Variants in FAM227B observed in about 807,000 individuals in gnomAD.
FAM227B encodes the protein protein FAM227B.
FAM227B carries 88 observed loss-of-function variants against 73.8 expected under a neutral mutation model. The ratio of observed to expected loss-of-function variants is 1.19; its 90% CI spans 1.00 to 1.42. The LOEUF (loss-of-function observed/expected upper bound fraction) is 1.42. Among genes scored for constraint, FAM227B ranks in the 40% most tolerant of loss-of-function variants. The pLI, the probability that FAM227B is intolerant of heterozygous loss-of-function variation, is 0.00. For synonymous variants in FAM227B, 210 were observed against 190.5 expected (o/e 1.10, Z -0.84); for missense variants, 632 against 590.9 (o/e 1.07, Z -0.72).
chr15:49,452,415 C>G (rs1165601870), intron 11 of FAM227B, among the ~76,000 whole-genome samples: 1 of 151,956 alleles, frequency 6.6e-6, no homozygotes. Context: ...TAAAATGAAC[C>G]CTTGTTAACA....
intron 3 of FAM227B, among the ~76,000 whole-genome samples, chr15:49,597,869 T>A (rs536232505): frequency 6.6e-6 from 1 of 151,726 alleles, no homozygotes; most frequent in Admixed American, 6.6e-5. Flanking sequence ...CTAGAAAACC[T>A]AGAGGAGATG....
At chr15:49,597,374 G>C (rs558814447) in intron 3 of FAM227B, among the ~76,000 whole-genome samples, 8 of 152,084 alleles carry the variant, frequency 5.3e-5, no homozygotes, top group Non-Finnish European at 7.4e-5. Context: ...TGAATGGTCG[G>C]TGGGTCAACA....
chr15:49,462,181 C>G (rs183845924), intron 11 of FAM227B, among the ~76,000 whole-genome samples: 9 of 152,058 alleles, frequency 5.9e-5, no homozygotes, highest in Admixed American at 5.9e-4. Context: ...GTGTGAGGAT[C>G]TGGGATGACT....
intron 11 of FAM227B, among the ~76,000 whole-genome samples, chr15:49,501,271 A>G (rs1200071054): frequency 6.6e-6 from 1 of 152,204 alleles, no homozygotes; most frequent in Non-Finnish European, 1.5e-5. Flanking sequence ...ACTTCTTGGA[A>G]ACTAGTTAAA....
At chr15:49,357,744 A>G (rs2043425870) in intron 13 of FAM227B, among the ~76,000 whole-genome samples, 1 of 152,170 alleles carries the variant, frequency 6.6e-6, no homozygotes, top group Non-Finnish European at 1.5e-5. Context: ...TTATGAGGCC[A>G]GCATCATTCT....
chr15:49,427,722 G>A (rs1462945470), intron 11 of FAM227B, among the ~76,000 whole-genome samples: 2 of 151,920 alleles, frequency 1.3e-5, no homozygotes, highest in African/African-American at 4.8e-5. Context: ...CTTCCACACA[G>A]GAATGTGGTT....
intron 11 of FAM227B, among the ~76,000 whole-genome samples, chr15:49,505,896 A>C (rs2058548115): frequency 6.6e-6 from 1 of 152,042 alleles, no homozygotes; most frequent in South Asian, 2.1e-4. Context: ...TTGTTTACAA[A>C]AAGTATATAA....
At chr15:49,389,742 A>G (rs1044598004) in intron 11 of FAM227B, among the ~76,000 whole-genome samples, 1 of 152,050 alleles carries the variant, frequency 6.6e-6, no homozygotes, top group Non-Finnish European at 1.5e-5. Context: ...TGTTGAGAGA[A>G]TATATATTTA....
chr15:49,330,196 A>G (rs1341612771), intron 15 of FAM227B: 2 of 152,204 alleles, frequency 1.3e-5, no homozygotes, highest in Non-Finnish European at 2.9e-5. Context: ...ATAGGCAAAC[A>G]TGGTGTGTGT....
chr15:49,403,901 T>C (rs2048343709), intron 11 of FAM227B, among the ~76,000 whole-genome samples: 1 of 152,204 alleles, frequency 6.6e-6, no homozygotes, highest in Non-Finnish European at 1.5e-5. Context: ...CATTTAGTCC[T>C]ATACATTTCC....
chr15:49,555,162 T>C (rs2073514435), intron 9 of FAM227B, among the ~76,000 whole-genome samples: 1 of 152,242 alleles, frequency 6.6e-6, no homozygotes, highest in African/African-American at 2.4e-5. Context: ...ATGTGATTGC[T>C]TTATAATGTT....
rs138178321 is a variant in FAM227B at position 49,416,217 on chromosome 15, G to A, written c.1013-44818C>T. Among the ~76,000 whole-genome samples the A allele has an allele frequency of 1.1e-4, 16 of 143,934 alleles. No individual in the cohort carries two copies. The East Asian group carries it at 3.1e-3, about 28-fold the overall frequency. 94.4% of individuals were successfully genotyped at this position (143,934 alleles called of 152,430 possible). On this transcript the variant is annotated intron_variant, in intron 11 of 15. Transcript: ENST00000299338. ...GAATGCATGCTCTGTTAGGGCAGAGGTCACTTCCAGAATATTCACCATTGT... is the reference window on the plus strand; with the variant it reads ...GAATGCATGCTCTGTTAGGGCAGAGATCACTTCCAGAATATTCACCATTGT...
chr15:49,437,807 C>A (rs1480774931), intron 11 of FAM227B, among the ~76,000 whole-genome samples: 1 of 151,620 alleles, frequency 6.6e-6, no homozygotes, highest in African/African-American at 2.4e-5. Flanking sequence ...TGGATACCAA[C>A]ACCAAAGAGT....
chr15:49,412,889 TA>T (rs952086820), intron 11 of FAM227B, among the ~76,000 whole-genome samples: 12 of 152,162 alleles, frequency 7.9e-5, no homozygotes, highest in African/African-American at 2.9e-4. Flanking sequence ...TTCAAAGGAG[TA>T]AAAAGGTCCA....
intron 9 of FAM227B, among the ~76,000 whole-genome samples, chr15:49,547,842 A>G (rs1278183666): frequency 6.6e-6 from 1 of 152,242 alleles, no homozygotes; most frequent in African/African-American, 2.4e-5. Flanking sequence ...TACTAGGCAC[A>G]AGAAATTAGA....
At chr15:49,531,911 A>G (rs1301921002) in intron 10 of FAM227B, among the ~76,000 whole-genome samples, 5 of 151,844 alleles carry the variant, frequency 3.3e-5, no homozygotes, top group African/African-American at 1.2e-4. Flanking sequence ...ATATCCATTA[A>G]TAAGTTTGTT....
At chr15:49,426,646 AT>A (rs1291482515) in intron 11 of FAM227B, among the ~76,000 whole-genome samples, 1 of 151,942 alleles carries the variant, frequency 6.6e-6, no homozygotes, top group Admixed American at 6.6e-5. Flanking sequence ...TTGAAATACA[AT>A]TTAGTGCTAA....
chr15:49,544,924 T>G (rs2071608930), intron 9 of FAM227B, among the ~76,000 whole-genome samples: 1 of 152,172 alleles, frequency 6.6e-6, no homozygotes, highest in African/African-American at 2.4e-5. Context: ...CGTTGAGGAT[T>G]TTTGCATCTA....
At chr15:49,401,260 T>G (rs1259183356) in intron 11 of FAM227B, among the ~76,000 whole-genome samples, 1 of 152,266 alleles carries the variant, frequency 6.6e-6, no homozygotes, top group South Asian at 2.1e-4. Flanking sequence ...ATGCTCATCA[T>G]CACTGGCCAT....
Sources: gnomAD v4.1 joint callset for allele counts (sites outside exome capture counted in the v4.1 genomes callset) on GRCh38, gnomAD v4.1.1 for gene constraint, MANE v1.5 for transcripts, NCBI Gene and HGNC (gene_info 2026-07-23, HGNC 2026-07-21) for gene names.